CADM1: variants seen among roughly 807,000 people sequenced by gnomAD.
CADM1 encodes TSLC-1.
Under a neutral mutation model 53.1 loss-of-function variants are expected in CADM1, and 15 were observed. The ratio of observed to expected loss-of-function variants is 0.28; its 90% CI spans 0.19 to 0.44. CADM1 has a LOEUF of 0.44. CADM1 is among the 20% of genes least tolerant of loss of function. The pLI is 1.00. For missense variants in CADM1, 434 were observed against 611.3 expected, an observed-to-expected ratio of 0.71 and a Z score of 3.06; for synonymous variants, 281 against 243.0, an observed-to-expected ratio of 1.16 and a Z score of -1.45.
At chr11:115,362,365 A>G (rs1249508659) in intron 1 of CADM1, among the ~76,000 whole-genome samples, 1 of 152,190 alleles carries the variant, frequency 6.6e-6, no homozygotes, top group East Asian at 1.9e-4. Context: ...ATGTACCTTG[A>G]TATCAGAAAA....
chr11:115,220,565 G>T (rs1941366700), intron 5 of CADM1, among the ~76,000 whole-genome samples: 1 of 152,152 alleles, frequency 6.6e-6, no homozygotes. Flanking sequence ...GGCTGAAAAG[G>T]TAAGCGTTAG....
chr11:115,464,144 A>G (rs144747420), intron 1 of CADM1, among the ~76,000 whole-genome samples: 2 of 152,192 alleles, frequency 1.3e-5, no homozygotes, highest in Admixed American at 1.3e-4. Flanking sequence ...TTAACACATT[A>G]GTCTTATTTC....
intron 1 of CADM1, among the ~76,000 whole-genome samples, chr11:115,490,124 T>C (rs893927321): frequency 7.2e-5 from 11 of 152,220 alleles, no homozygotes; most frequent in Admixed American, 2.6e-4. Context: ...TTTAGGAAGA[T>C]TCCTCTAGAA....
intron 1 of CADM1, among the ~76,000 whole-genome samples, chr11:115,430,747 T>C (rs1281288071): frequency 2.0e-5 from 3 of 152,200 alleles, no homozygotes; most frequent in African/African-American, 2.4e-5. Context: ...TTTCATTCAA[T>C]AGTTACCATC....
intron 1 of CADM1, among the ~76,000 whole-genome samples, chr11:115,497,456 G>T (rs968528468): frequency 1.3e-5 from 2 of 152,154 alleles, no homozygotes; most frequent in Non-Finnish European, 2.9e-5. Context: ...AAGGCCACAC[G>T]TCATTTGAGC....
At chr11:115,445,663 G>A in intron 1 of CADM1, 1 of 347,440 alleles carries the variant, frequency 2.9e-6, no homozygotes, top group South Asian at 2.1e-5. Context: ...GGTCAACATG[G>A]CAACACCCTG....
Position 115,174,084 on chromosome 11 carries a change from T to C in CADM1, c.*2390A>G, listed in dbSNP as rs781069255. The C allele has an allele frequency of 7.1e-5, 70 of 982,926 alleles. No individual in the cohort carries two copies. The highest frequency in any genetic ancestry group is 1.8e-5 in the Non-Finnish European group (15 of 827,800). 60.9% of individuals were successfully genotyped at this position (982,926 alleles called of 1,614,324 possible). A position where few individuals can be genotyped will look rare whatever the true frequency, so the allele number is the denominator to read the frequency against. On this transcript the variant is annotated 3_prime_UTR_variant, in exon 12 of 12. Coordinates refer to ENST00000331581, the MANE Select transcript of CADM1 (RefSeq NM_001301043.2). ...TTTTATTATTATTTTTTCCAATGTG[T>C]GGGGCCTACACTTTGCAATCTACCT...
At chr11:115,428,025 A>G (rs1044695492) in intron 1 of CADM1, among the ~76,000 whole-genome samples, 1 of 151,238 alleles carries the variant, frequency 6.6e-6, no homozygotes, top group Non-Finnish European at 1.5e-5. Context: ...AAAAAAAAAA[A>G]AAAAAAGAAT....
intron 1 of CADM1, among the ~76,000 whole-genome samples, chr11:115,395,403 A>G (rs1946970294): frequency 6.6e-6 from 1 of 152,224 alleles, no homozygotes; most frequent in Non-Finnish European, 1.5e-5. Context: ...TGCTTTTTAA[A>G]GCAAATCATT....
rs373493723 is a variant in CADM1 at position 115,188,476 on chromosome 11, G to T, written c.1165+2412C>A. On this transcript the variant is annotated intron_variant, in intron 10 of 11. Transcript: ENST00000331581. ...GAATGGAGCACCATATGTTGCTTAT[G>T]AAACTGTCATTAATGAAGGTAGCAC... Among the ~76,000 whole-genome samples the T allele has an allele frequency of 2.0e-5, 3 of 152,314 alleles. 1 individual carries two copies.
chr11:115,359,947 C>T (rs1008266923), intron 1 of CADM1, among the ~76,000 whole-genome samples: 1 of 152,174 alleles, frequency 6.6e-6, no homozygotes, highest in Non-Finnish European at 1.5e-5. Flanking sequence ...TTCTAGGTAT[C>T]CTTCATTCAA....
intron 1 of CADM1, among the ~76,000 whole-genome samples, chr11:115,301,851 C>T (rs948154333): frequency 1.5e-4 from 23 of 152,170 alleles, no homozygotes; most frequent in African/African-American, 5.1e-4. Context: ...ACTCAAAATG[C>T]TTATCACAGA....
chr11:115,250,332 G>C (rs1288893189), intron 1 of CADM1, among the ~76,000 whole-genome samples: 1 of 152,084 alleles, frequency 6.6e-6, no homozygotes, highest in Non-Finnish European at 1.5e-5. Context: ...AATTTAATAT[G>C]ATTTTCTCTT....
intron 1 of CADM1, among the ~76,000 whole-genome samples, chr11:115,267,253 T>G (rs1943166892): frequency 6.6e-6 from 1 of 152,250 alleles, no homozygotes; most frequent in African/African-American, 2.4e-5. Flanking sequence ...TATTACTTTC[T>G]TTGTAGGCAA....
intron 1 of CADM1, among the ~76,000 whole-genome samples, chr11:115,375,533 T>G (rs1946416521): frequency 6.6e-6 from 1 of 152,186 alleles, no homozygotes; most frequent in Non-Finnish European, 1.5e-5. Context: ...AGACTACTAT[T>G]CAGCAATATG....
At chr11:115,314,413 G>A (rs1944607608) in intron 1 of CADM1, among the ~76,000 whole-genome samples, 1 of 152,054 alleles carries the variant, frequency 6.6e-6, no homozygotes, top group South Asian at 2.1e-4. Context: ...TAAAATAATT[G>A]CCCCTGCCCT....
intron 1 of CADM1, among the ~76,000 whole-genome samples, chr11:115,452,408 A>C (rs1007296631): frequency 6.6e-6 from 1 of 152,226 alleles, no homozygotes; most frequent in African/African-American, 2.4e-5. Context: ...TACTCAGACA[A>C]GCAGCTTCTC....
intron 1 of CADM1, among the ~76,000 whole-genome samples, chr11:115,434,345 T>C (rs2135304703): frequency 6.6e-6 from 1 of 152,314 alleles, no homozygotes; most frequent in African/African-American, 2.4e-5. Flanking sequence ...AACCCTCCCC[T>C]TTTGCTACAG....
At chr11:115,408,675 C>T (rs1565412476) in intron 1 of CADM1, among the ~76,000 whole-genome samples, 1 of 152,308 alleles carries the variant, frequency 6.6e-6, no homozygotes. Context: ...ATCAACTCTA[C>T]TCCAAGAAAA....
Sources: gnomAD v4.1 joint callset for allele counts (sites outside exome capture counted in the v4.1 genomes callset) on GRCh38, gnomAD v4.1.1 for gene constraint, MANE v1.5 for transcripts, NCBI Gene and HGNC (gene_info 2026-07-23, HGNC 2026-07-21) for gene names.